The following EPB41L4A variants were observed in gnomAD, a reference collection of about 807,000 sequenced individuals.
EPB41L4A encodes erythrocyte membrane protein band 4.1 like 4A.
A neutral mutation model predicts 108.6 loss-of-function variants in EPB41L4A; 100 were observed. The observed-to-expected ratio is 0.92, with a 90% confidence interval of 0.78 to 1.09. EPB41L4A has a LOEUF of 1.09. Ranked by LOEUF, EPB41L4A falls within the 50% of genes least tolerant of loss-of-function variation. EPB41L4A has a pLI of 0.00. For synonymous variants in EPB41L4A, 319 were observed against 289.0 expected (o/e 1.10, Z -1.05); for missense variants, 1,030 against 842.7 (o/e 1.22, Z -2.75).
chr5:112,360,756 T>C (rs1045763143), intron 1 of EPB41L4A, among the ~76,000 whole-genome samples: 9 of 151,980 alleles, frequency 5.9e-5, no homozygotes, highest in African/African-American at 1.9e-4. Context: ...GAGGAGCGCC[T>C]CTTCCCGGTC....
At chr5:112,316,118 G>C (rs1016207024) in intron 1 of EPB41L4A, among the ~76,000 whole-genome samples, 2 of 152,156 alleles carry the variant, frequency 1.3e-5, no homozygotes, top group Admixed American at 6.5e-5. Context: ...AAGTTTATTT[G>C]AAAATACCAT....
At chr5:112,329,947 T>C (rs113933645) in intron 1 of EPB41L4A, among the ~76,000 whole-genome samples, 3,696 of 152,280 alleles carry the variant, frequency 0.024, 140 homozygotes, top group African/African-American at 0.084. Context: ...TCGGCAAGTC[T>C]GCTGAATCAC....
intron 20 of EPB41L4A, among the ~76,000 whole-genome samples, chr5:112,169,550 T>C (rs769064482): frequency 3.3e-5 from 5 of 150,724 alleles, no homozygotes; most frequent in Admixed American, 2.6e-4. Context: ...GTTCTCTCCA[T>C]AAAAAAAAAG....
chr5:112,244,275 C>T (rs1327931987), intron 9 of EPB41L4A, among the ~76,000 whole-genome samples: 1 of 152,182 alleles, frequency 6.6e-6, no homozygotes, highest in African/African-American at 2.4e-5. Context: ...ATTAAGATCG[C>T]TATCTTACAT....
chr5:112,282,480 C>G (rs1580603366), intron 2 of EPB41L4A, among the ~76,000 whole-genome samples: 1 of 152,204 alleles, frequency 6.6e-6, no homozygotes, highest in African/African-American at 2.4e-5. Flanking sequence ...AAAACAACAC[C>G]TGTTTATTAT....
At chr5:112,172,507 G>A (rs1173870949) in intron 18 of EPB41L4A, among the ~76,000 whole-genome samples, 1 of 142,878 alleles carries the variant, frequency 7.0e-6, no homozygotes, top group African/African-American at 2.7e-5. Flanking sequence ...ATGAGACCCT[G>A]TGCCAAAAAA....
intron 1 of EPB41L4A, among the ~76,000 whole-genome samples, chr5:112,344,043 A>G (rs1362101919): frequency 1.3e-5 from 2 of 152,216 alleles, no homozygotes; most frequent in Non-Finnish European, 1.5e-5. Context: ...CTCTAGCCTG[A>G]GCAACATAGT....
chr5:112,355,169 A>C (rs947680706), intron 1 of EPB41L4A, among the ~76,000 whole-genome samples: 1 of 152,242 alleles, frequency 6.6e-6, no homozygotes, highest in African/African-American at 2.4e-5. Flanking sequence ...TATTTCATTA[A>C]CTTGCAAAAT....
At chr5:112,243,533 T>C (rs1749976187) in intron 9 of EPB41L4A, among the ~76,000 whole-genome samples, 2 of 152,200 alleles carry the variant, frequency 1.3e-5, no homozygotes, top group Admixed American at 6.5e-5. Context: ...GTTATAGCTA[T>C]GAAAGTCCTA....
At chr5:112,233,021 T>C (rs1162345756) in intron 12 of EPB41L4A, among the ~76,000 whole-genome samples, 1 of 152,184 alleles carries the variant, frequency 6.6e-6, no homozygotes, top group African/African-American at 2.4e-5. Context: ...TAGGTGGTTT[T>C]ATTAAAGACA....
At position 112,164,896 on chromosome 5, in the gene EPB41L4A, T is replaced by G. The variant is rs1760137581; in HGVS notation, c.*94A>C. 1 of 1,226,598 alleles carries G rather than the reference T, an allele frequency of 8.2e-7. No individual in the cohort carries two copies. Among genetic ancestry groups the G allele is most frequent in the South Asian group, 1.9e-5 (1 of 51,758 alleles). 76.0% of individuals were successfully genotyped at this position (1,226,598 alleles called of 1,614,324 possible). ...CTCATGCTGAAGAAATACTTGCAGG[T>G]CTGAGATTTGAATTAAGATACCTAT... On this transcript the variant is annotated 3_prime_UTR_variant, in exon 23 of 23. Coordinates refer to ENST00000261486, the MANE Select transcript of EPB41L4A (RefSeq NM_022140.5).
chr5:112,360,463 C>T (rs529218608), intron 1 of EPB41L4A, among the ~76,000 whole-genome samples: 4 of 151,350 alleles, frequency 2.6e-5, no homozygotes, highest in East Asian at 2.0e-4. Flanking sequence ...TTGGTGGAGA[C>T]GGGGTTTCGC....
At chr5:112,288,635 T>C (rs1264176603) in intron 2 of EPB41L4A, among the ~76,000 whole-genome samples, 1 of 152,214 alleles carries the variant, frequency 6.6e-6, no homozygotes, top group East Asian at 1.9e-4. Context: ...GTGTGCCTCC[T>C]GTTTTGCCCC....
intron 1 of EPB41L4A, among the ~76,000 whole-genome samples, chr5:112,310,230 T>C (rs1048374669): frequency 6.6e-6 from 1 of 152,248 alleles, no homozygotes; most frequent in Non-Finnish European, 1.5e-5. Context: ...TTTCTGACTG[T>C]CTATTGCTAA....
At chr5:112,372,988 G>T (rs775068506) in intron 1 of EPB41L4A, among the ~76,000 whole-genome samples, 1 of 152,212 alleles carries the variant, frequency 6.6e-6, no homozygotes, top group Non-Finnish European at 1.5e-5. Flanking sequence ...GACACTAATA[G>T]TTCCATATAT....
chr5:112,389,101 C>T (rs1169261920), intron 1 of EPB41L4A, among the ~76,000 whole-genome samples: 1 of 151,928 alleles, frequency 6.6e-6, no homozygotes, highest in Non-Finnish European at 1.5e-5. Context: ...GCAGAAGATT[C>T]GGAGAACAAC....
At chr5:112,210,014 G>A (rs750059550) in intron 12 of EPB41L4A, 32 bp from the exon 13 acceptor site, 6 of 1,292,468 alleles carry the variant, frequency 4.6e-6, no homozygotes, top group Non-Finnish European at 6.6e-6. Flanking sequence ...AGATGGAAGA[G>A]AGAGGAAACA....
intron 1 of EPB41L4A, among the ~76,000 whole-genome samples, chr5:112,402,780 G>T (rs1472756239): frequency 6.6e-6 from 1 of 151,984 alleles, no homozygotes; most frequent in African/African-American, 2.4e-5. Flanking sequence ...GTAAAGCAAG[G>T]CACATCTTCT....
At position 112,208,047 on chromosome 5, in the gene EPB41L4A, AC is replaced by A. The variant is rs1431345833; in HGVS notation, c.1178+1844del. On this transcript the variant is annotated intron_variant, in intron 13 of 22. Coordinates refer to ENST00000261486, the MANE Select transcript of EPB41L4A (RefSeq NM_022140.5). Reference sequence around the variant, plus strand: ...CGGATCCCGAGGTCAAGAGATGCAGACCATCCTGGCCAACCTGGTAAAACCC... The same window carrying A: ...CGGATCCCGAGGTCAAGAGATGCAGACATCCTGGCCAACCTGGTAAAACCC... Among the ~76,000 whole-genome samples the A allele has an allele frequency of 5.9e-5, 9 of 152,284 alleles. No homozygotes were observed. In the East Asian group the frequency reaches 1.5e-3, roughly 26 times the overall value.
Sources: allele counts gnomAD v4.1 joint callset (sites outside exome capture counted in the v4.1 genomes callset), GRCh38; gene constraint gnomAD v4.1.1; transcripts MANE v1.5; gene names NCBI Gene and HGNC (gene_info 2026-07-23, HGNC 2026-07-21).